IFT122: variants seen among roughly 807,000 people sequenced by gnomAD.
The protein encoded by IFT122 is intraflagellar transport 122.
A neutral mutation model predicts 161.6 loss-of-function variants in IFT122; 118 were observed. That is an observed-to-expected ratio of 0.73 (90% CI 0.63 to 0.85). The LOEUF (loss-of-function observed/expected upper bound fraction) is 0.85. Among genes scored for constraint, IFT122 ranks in the 40% least tolerant of loss-of-function variants. The probability of loss-of-function intolerance (pLI) is 0.00; values close to 1 mark genes in which losing one functional copy is unlikely to be tolerated. For synonymous variants in IFT122, 550 were observed against 602.4 expected (o/e 0.91, Z 1.27); for missense variants, 1,381 against 1,579.6 (o/e 0.87, Z 2.13).
intron 13 of IFT122, among the ~76,000 whole-genome samples, chr3:129,480,836 TATC>T (rs1396263035): frequency 6.6e-6 from 1 of 152,088 alleles, no homozygotes; most frequent in East Asian, 1.9e-4. Context: ...CAAAAACAGA[TATC>T]ATCAGGGTTG....
At chr3:129,483,401 T>C in intron 14 of IFT122, 84 bp from the exon 15 acceptor site, 1 of 1,144,048 alleles carries the variant, frequency 8.7e-7, no homozygotes, top group South Asian at 1.2e-5. Flanking sequence ...ATTCAGTCTT[T>C]AAGAGGGTAT....
chr3:129,514,463 A>G lies in IFT122; in HGVS notation c.3062A>G (p.Lys1021Arg). 1 of 1,614,204 alleles carries G rather than the reference A, an allele frequency of 6.2e-7. No individual in the cohort carries two copies. The highest frequency in any genetic ancestry group is 8.5e-7 in the Non-Finnish European group (1 of 1,180,026). The change falls in exon 25 of 30, where the codon AAG becomes AGG. Residue 1021 changes from lysine to arginine, a missense_variant. By Grantham distance (26) the Lys-to-Arg change is conservative. Around this residue, in one of 7 missense-constraint regions of IFT122, gnomAD observed 496 missense variants for 502.5 expected, o/e 0.99. Coordinates refer to ENST00000348417, the MANE Select transcript of IFT122 (RefSeq NM_052989.3). ...AGGCTGGCCCGGCACGCCTATGACA[A>G]GCTGCGTGGCCTGTACATCCCTGCC... is the stretch of plus-strand genomic sequence containing the variant. ...AYRLARHAYDKLRGLYIPARF... is the reference protein window; with the variant it reads ...AYRLARHAYDRLRGLYIPARF...
chr3:129,458,517 G>T, intron 3 of IFT122, 82 bp from the exon 4 acceptor site: 9 of 1,165,778 alleles, frequency 7.7e-6, no homozygotes, highest in Non-Finnish European at 1.2e-5. Context: ...GTACCTTAAA[G>T]AACTAGTTTT....
intron 1 of IFT122, among the ~76,000 whole-genome samples, chr3:129,446,775 C>G (rs966749193): frequency 3.9e-5 from 6 of 152,180 alleles, no homozygotes; most frequent in Non-Finnish European, 8.8e-5. Flanking sequence ...CAGAATAAAT[C>G]TCTTCAGATA....
Position 129,519,597 on chromosome 3 carries a change from G to A in IFT122, c.3501G>A (p.Val1167=). The A allele has an allele frequency of 6.2e-6, 10 of 1,613,654 alleles. No homozygotes were observed. Among genetic ancestry groups the A allele is most frequent in the Non-Finnish European group, 8.5e-6 (10 of 1,180,010 alleles). ...EQGGSEFVPV[V]VSRLVLRSMS... ...GTGGCTCAGAGTTCGTGCCAGTGGTGGTGAGCCGGCTGGTGCTGCGCTCCA... is the reference window on the plus strand; with the variant it reads ...GTGGCTCAGAGTTCGTGCCAGTGGTAGTGAGCCGGCTGGTGCTGCGCTCCA... The change falls in exon 29 of 30, where the codon GTG becomes GTA. Residue 1167 remains valine (V), a synonymous_variant. Coordinates refer to ENST00000348417, the MANE Select transcript of IFT122 (RefSeq NM_052989.3).
At chr3:129,502,920 C>G (rs768876843) in intron 20 of IFT122, 38 bp downstream of exon 20, 2 of 1,599,964 alleles carry the variant, frequency 1.3e-6, no homozygotes, top group South Asian at 2.2e-5. Context: ...GGGGCCCCAC[C>G]TGAGCCCTGG....
intron 1 of IFT122, among the ~76,000 whole-genome samples, chr3:129,444,224 T>G (rs576292855): frequency 6.6e-6 from 1 of 152,280 alleles, no homozygotes; most frequent in South Asian, 2.1e-4. Flanking sequence ...CCATGCTGCT[T>G]CTCAAAATGT....
chr3:129,478,699 A>G (rs955333395), intron 12 of IFT122, among the ~76,000 whole-genome samples: 1 of 152,216 alleles, frequency 6.6e-6, no homozygotes, highest in African/African-American at 2.4e-5. Flanking sequence ...AGACCTGTCC[A>G]GCTTCCTAAA....
At chr3:129,496,822 A>G (rs780369719) in intron 18 of IFT122, among the ~76,000 whole-genome samples, 1 of 152,192 alleles carries the variant, frequency 6.6e-6, no homozygotes, top group Non-Finnish European at 1.5e-5. Context: ...AGAAGATTTC[A>G]TAACACATTC....
chr3:129,507,704 A>C lies in IFT122; in HGVS notation c.2828A>C (p.Tyr943Ser), dbSNP rs776099605. Residue 943 changes from tyrosine to serine, a missense_variant, in exon 23 of 30, where the codon TAC becomes TCC. By Grantham distance (144) the Tyr-to-Ser change is moderately radical (BLOSUM62 -2). Around this residue, in one of 7 missense-constraint regions of IFT122, gnomAD observed 496 missense variants for 502.5 expected, o/e 0.99. Coordinates refer to ENST00000348417, the MANE Select transcript of IFT122 (RefSeq NM_052989.3). The stretch of plus-strand genomic sequence containing the variant: ...AAGGACACAATGCTTGGCAAGTTCT[A>C]CCACTTCCAGCGTTTGGCAGAGCTG... ...AQKDTMLGKF[Y>S]HFQRLAELYH... The C allele has an allele frequency of 1.2e-6, 2 of 1,614,110 alleles. No homozygotes were observed. Among genetic ancestry groups the C allele is most frequent in the Non-Finnish European group, 1.7e-6 (2 of 1,179,998 alleles).
chr3:129,481,896 C>T (rs371139260), intron 14 of IFT122, among the ~76,000 whole-genome samples: 3 of 152,248 alleles, frequency 2.0e-5, no homozygotes, highest in Non-Finnish European at 2.9e-5. Context: ...GGGCCTGGAC[C>T]GGCCTCTTTA....
chr3:129,516,467 G>GCACACA, intron 26 of IFT122, among the ~76,000 whole-genome samples: 1 of 105,062 alleles, frequency 9.5e-6, no homozygotes, highest in Admixed American at 9.8e-5. Context: ...GACCGCCCCT[G>GCACACA]CACACACACA....
At chr3:129,464,804 T>C (rs1437868656) in intron 7 of IFT122, 23 bp downstream of exon 7, 3 of 1,613,706 alleles carry the variant, frequency 1.9e-6, no homozygotes, top group African/African-American at 1.3e-5. Flanking sequence ...TTGTCCTCCT[T>C]CTAGAACAAA....
In IFT122 at chr3:129,449,854, C is replaced by T; in HGVS notation, c.42-17C>T. On this transcript the variant is annotated splice_polypyrimidine_tract_variant and intron_variant, in intron 1 of 29. Coordinates refer to ENST00000348417, the MANE Select transcript of IFT122 (RefSeq NM_052989.3). ...ATTTTGGTTCCTAATTGTCTTTTTC[C>T]CTTGTCTTCTGTTCAGTATAAATGA... 1 of 1,600,368 alleles carries T rather than the reference C, an allele frequency of 6.2e-7. No individual in the cohort carries two copies. Among genetic ancestry groups the T allele is most frequent in the Middle Eastern group, 1.7e-4 (1 of 6,034 alleles).
At position 129,449,259 on chromosome 3, in the gene IFT122, A is replaced by T. The variant is rs547347074; in HGVS notation, c.42-612A>T. On this transcript the variant is annotated intron_variant, in intron 1 of 29. Coordinates refer to ENST00000348417, the MANE Select transcript of IFT122 (RefSeq NM_052989.3). Reference sequence around the variant, plus strand: ...AATCTAATAGGTCATTGATTATAAAATACCATTGTTTTGTGTATCAATAAG... The same window carrying T: ...AATCTAATAGGTCATTGATTATAAATTACCATTGTTTTGTGTATCAATAAG... Among the ~76,000 whole-genome samples, 96 of 152,270 alleles carry T rather than the reference A, an allele frequency of 6.3e-4. 1 individual carries two copies. The highest frequency in any genetic ancestry group is 1.1e-3 in the Non-Finnish European group (77 of 68,054).
At chr3:129,466,263 T>TTCCAA (rs1258924011) in intron 7 of IFT122, among the ~76,000 whole-genome samples, 1 of 152,200 alleles carries the variant, frequency 6.6e-6, no homozygotes, top group Non-Finnish European at 1.5e-5. Flanking sequence ...TGGAAGGTTA[T>TTCCAA]TATGCTTCTT....
Position 129,502,718 on chromosome 3 carries a change from G to T in IFT122, c.2383G>T (p.Asp795Tyr), listed in dbSNP as rs76007598. 1.9e-6 allele frequency: 3 copies of T among 1,607,240 alleles called. No individual in the cohort carries two copies. Among genetic ancestry groups the T allele is most frequent in the Non-Finnish European group, 2.5e-6 (3 of 1,179,996 alleles). The change falls in exon 20 of 30, where the codon GAC becomes TAC. Residue 795 changes from aspartate to tyrosine, a missense_variant. Asp to Tyr is a radical substitution (Grantham distance 160). Around this residue, in one of 7 missense-constraint regions of IFT122, gnomAD observed 496 missense variants for 502.5 expected, o/e 0.99. Coordinates refer to ENST00000348417, the MANE Select transcript of IFT122 (RefSeq NM_052989.3). ...TGCCCCTTCCCTCTCCAGGTTGATC[G>T]ACATCGCCCGCAAACTGGACAAGGC... Reference protein sequence around the residue: ...GDHGWVDMLIDIARKLDKAER... With the variant: ...GDHGWVDMLIYIARKLDKAER...
At chr3:129,505,896 T>TA (rs2082139678) in intron 21 of IFT122, among the ~76,000 whole-genome samples, 1 of 152,200 alleles carries the variant, frequency 6.6e-6, no homozygotes, top group Non-Finnish European at 1.5e-5. Flanking sequence ...GTGTGACACT[T>TA]TACCTCCATT....
At chr3:129,455,267 G>A (rs1184265155) in intron 3 of IFT122, among the ~76,000 whole-genome samples, 1 of 151,682 alleles carries the variant, frequency 6.6e-6, no homozygotes, top group Non-Finnish European at 1.5e-5. Flanking sequence ...CTGACTCCCT[G>A]GTTCAAGTGA....
Sources: gnomAD v4.1 joint callset for allele counts (sites outside exome capture counted in the v4.1 genomes callset) on GRCh38, gnomAD v4.1.1 for gene constraint, gnomAD v4.1.1 regional missense constraint, MANE v1.5 for transcripts, NCBI Gene and HGNC (gene_info 2026-07-23, HGNC 2026-07-21) for gene names.